PCGF3: variants seen among roughly 807,000 people sequenced by gnomAD.
The protein encoded by PCGF3 is polycomb group ring finger 3, also known as polycomb group RING finger protein 3.
PCGF3 carries 7 observed loss-of-function variants against 33.1 expected under a neutral mutation model. The ratio of observed to expected loss-of-function variants is 0.21; its 90% confidence interval spans 0.12 to 0.40. The LOEUF (loss-of-function observed/expected upper bound fraction) is 0.40, where lower values mean the gene tolerates loss of function less well. Among genes scored for constraint, PCGF3 ranks in the 10% least tolerant of loss-of-function variants. The probability of loss-of-function intolerance (pLI) is 1.00; values close to 1 mark genes in which losing one functional copy is unlikely to be tolerated. For missense variants in PCGF3, 211 were observed against 313.3 expected (o/e 0.67, Z 2.46); for synonymous variants, 153 against 121.3 (o/e 1.26, Z -1.72).
Position 754,718 on chromosome 4 carries a change from G to A in PCGF3, c.463-6561G>A, listed in dbSNP as rs532167628. Among the ~76,000 whole-genome samples the A allele has an allele frequency of 2.0e-4, 31 of 152,304 alleles. No homozygotes were observed. In the East Asian group the frequency reaches 2.3e-3, roughly 11 times the overall value. ...GATGAGGCAGTTGGGATGTGAGATC[G>A]GGGTGTGCTGTGGGATGCAGCCTGG... On this transcript the variant is annotated intron_variant, in intron 8 of 10. Transcript: ENST00000362003.
chr4:768,568 G>GT (rs1560225298), exon 11 of PCGF3: 1 of 151,984 alleles, frequency 6.6e-6, no homozygotes, highest in African/African-American at 2.4e-5. Context: ...CTTATGCGTC[G>GT]TTTTCAACAG....
chr4:709,331 A>C (rs1742465256), intron 1 of PCGF3, among the ~76,000 whole-genome samples: 1 of 151,876 alleles, frequency 6.6e-6, no homozygotes, highest in Non-Finnish European at 1.5e-5. Flanking sequence ...AATGAATGAA[A>C]GGCAAGAGTG....
intron 3 of PCGF3, chr4:732,289 G>A (rs1743608845): frequency 1.3e-5 from 2 of 150,532 alleles, no homozygotes; most frequent in South Asian, 1.5e-4. Flanking sequence ...GCGGGGTGGG[G>A]CTCCCCCTCA....
chr4:733,441 C>T (rs936988686), intron 3 of PCGF3, among the ~76,000 whole-genome samples: 2 of 152,184 alleles, frequency 1.3e-5, no homozygotes, highest in South Asian at 2.1e-4. Context: ...GAAGCCAGTG[C>T]GGGGGAGCCG....
intron 1 of PCGF3, among the ~76,000 whole-genome samples, chr4:719,099 C>T (rs1372199318): frequency 2.0e-5 from 3 of 152,072 alleles, no homozygotes; most frequent in Non-Finnish European, 4.4e-5. Flanking sequence ...GGACTACAGG[C>T]ACGTGCCACC....
exon 9 of PCGF3, chr4:761,287 C>CTGCCTGGAG (rs1432790534): frequency 6.3e-7 from 1 of 1,586,408 alleles, no homozygotes; most frequent in Non-Finnish European, 8.6e-7. Flanking sequence ...AGGTGAGCAT[C>CTGCCTGGAG]TGCCTGGAGT....
chr4:744,518 G>T (rs998149500), intron 7 of PCGF3, 82 bp from the exon 8 acceptor site: 2 of 1,042,618 alleles, frequency 1.9e-6, no homozygotes, highest in Non-Finnish European at 2.9e-6. Context: ...AATTTTTGAC[G>T]GCATTTGGAG....
intron 1 of PCGF3, among the ~76,000 whole-genome samples, chr4:709,553 GA>G (rs1742476727): frequency 6.6e-6 from 1 of 152,270 alleles, no homozygotes; most frequent in Non-Finnish European, 1.5e-5. Context: ...TGAAAGGCAA[GA>G]GTGAGTGATG....
chr4:762,047 T>TGG, intron 9 of PCGF3: 1 of 985,086 alleles, frequency 1.0e-6, no homozygotes, highest in South Asian at 4.7e-5. Context: ...CGGACTGTGG[T>TGG]GGGGGCGGTC....
rs1560206596 is a variant in PCGF3, at chr4:736,580, CAGGATGCAGGGAACCTGGGGTGTCCGCA to C, written c.207-885_207-858del. Among the ~76,000 whole-genome samples the C allele has an allele frequency of 1.2e-3, 122 of 102,642 alleles. 2 individuals are homozygous for C. The highest frequency in any genetic ancestry group is 4.2e-3 in the South Asian group (11 of 2,594). The allele number at this position is 102,642 out of a possible 152,430, so 67.3% of individuals were successfully genotyped here. On this transcript the variant is annotated intron_variant, in intron 5 of 10. Coordinates refer to ENST00000362003, the Ensembl canonical transcript of PCGF3. ...GCAGGGACGGTGTCCCCTGAGCGCA[CAGGATGCAGGGAACCTGGGGTGTCCGCA>C]GGGACGGTGTCCCCTGAGCACACAG... is the stretch of plus-strand genomic sequence containing the variant.
intron 1 of PCGF3, among the ~76,000 whole-genome samples, chr4:725,807 A>G (rs1023054805): frequency 5.9e-5 from 9 of 152,054 alleles, no homozygotes; most frequent in Non-Finnish European, 7.4e-5. Context: ...CCTCCTGTCC[A>G]GCCTCAGCGC....
rs769901692 is a variant in PCGF3 at position 737,562 on chromosome 4, C to G, written c.262+41C>G. ...TCTTGCTGATCCCTGAGGTCCCAGCCTGGCCTCTGCAGCCCCTGCTCTCCT... is the reference window on the plus strand; with the variant it reads ...TCTTGCTGATCCCTGAGGTCCCAGCGTGGCCTCTGCAGCCCCTGCTCTCCT... On this transcript the variant is annotated intron_variant, in intron 6 of 10. Transcript: ENST00000362003. The G allele has an allele frequency of 3.8e-6, 5 of 1,309,488 alleles. No homozygotes were observed. The East Asian group carries it at 1.1e-4, about 30-fold the overall frequency. 81.1% of individuals were successfully genotyped at this position (1,309,488 alleles called of 1,614,324 possible).
chr4:735,710 C>G (rs953463729), intron 5 of PCGF3, among the ~76,000 whole-genome samples: 1 of 152,238 alleles, frequency 6.6e-6, no homozygotes. Flanking sequence ...GTCCTGGGGC[C>G]CTGGCCCTGC....
chr4:724,608 T>C (rs955269592), intron 1 of PCGF3, among the ~76,000 whole-genome samples: 1 of 152,196 alleles, frequency 6.6e-6, no homozygotes, highest in Non-Finnish European at 1.5e-5. Flanking sequence ...GGGCAGATCC[T>C]GAGGTCAGGA....
chr4:755,904 CTTTTTTTTTTTTTTTTTTT>C lies in PCGF3; in HGVS notation c.463-5365_463-5347del, dbSNP rs570528684. 6.9e-5 allele frequency among the ~76,000 whole-genome samples: 6 copies of C among 87,198 alleles called. 1 individual carries two copies. The highest frequency in any genetic ancestry group is 6.5e-4 in the East Asian group (2 of 3,068). The allele number at this position is 87,198 out of a possible 152,430, so 57.2% of individuals were successfully genotyped here. A position where few individuals can be genotyped will look rare whatever the true frequency, so the allele number is the denominator to read the frequency against. On this transcript the variant is annotated intron_variant, in intron 8 of 10. Coordinates refer to ENST00000362003, the Ensembl canonical transcript of PCGF3. ...CTCATTTTTCTTCTTCAGAATTGTC[CTTTTTTTTTTTTTTTTTTT>C]TTTTTTTTTGGAGATGGAGTTTCCC...
At chr4:744,550 G>T in intron 7 of PCGF3, 50 bp from the exon 8 acceptor site, 1 of 1,384,922 alleles carries the variant, frequency 7.2e-7, no homozygotes, top group Non-Finnish European at 1.0e-6. Context: ...TTTTTAAATG[G>T]CTTGACAGTT....
chr4:754,417 G>C (rs575122653), intron 8 of PCGF3, among the ~76,000 whole-genome samples: 2 of 152,346 alleles, frequency 1.3e-5, no homozygotes, highest in South Asian at 2.1e-4. Flanking sequence ...CTGCCTGCAA[G>C]GGCCTCGCAG....
At chr4:763,974 C>G (rs890984152) in intron 9 of PCGF3, among the ~76,000 whole-genome samples, 1 of 152,140 alleles carries the variant, frequency 6.6e-6, no homozygotes, top group Non-Finnish European at 1.5e-5. Context: ...GTAGGCCGTG[C>G]GACTCCAGCT....
intron 3 of PCGF3, among the ~76,000 whole-genome samples, chr4:731,650 TC>T (rs1157732389): frequency 3.3e-4 from 14 of 42,554 alleles, no homozygotes; most frequent in African/African-American, 8.0e-4. Context: ...AGGGCGGGGC[TC>T]CCCCGCCCCT....
Sources: allele counts gnomAD v4.1 joint callset (sites outside exome capture counted in the v4.1 genomes callset), GRCh38; gene constraint gnomAD v4.1.1; transcripts MANE v1.5; gene names NCBI Gene and HGNC (gene_info 2026-07-23, HGNC 2026-07-21).